Variants in BMF observed in about 807,000 individuals in gnomAD.
BMF encodes bcl-2-modifying factor.
BMF carries 10 observed loss-of-function variants against 22.0 expected under a neutral mutation model. The observed-to-expected ratio is 0.45, with a 90% CI of 0.28 to 0.77. The LOEUF (loss-of-function observed/expected upper bound fraction) is 0.77. Ranked by LOEUF, BMF falls within the 30% of genes least tolerant of loss-of-function variation. The pLI is 0.13. For missense variants in BMF, 206 were observed against 226.8 expected (o/e 0.91, Z 0.59); for synonymous variants, 87 against 88.1 (o/e 0.99, Z 0.07).
rs112914978 is a variant in BMF, at chr15:40,093,217, A to G, written c.454-1329T>C. ...CCCCTTCACGCTGCCCTAGGCCACA[A>G]AAAGAGAGGCATCCAGGCAGCTGGC... On this transcript the variant is annotated intron_variant, in intron 4 of 4. Transcript: ENST00000354670. 2.2e-3 allele frequency among the ~76,000 whole-genome samples: 329 copies of G among 152,318 alleles called. 1 individual carries two copies. The highest frequency in any genetic ancestry group is 7.7e-3 in the African/African-American group (322 of 41,560).
At chr15:40,092,665 G>A (rs537246202) in intron 4 of BMF, among the ~76,000 whole-genome samples, 1 of 152,308 alleles carries the variant, frequency 6.6e-6, no homozygotes, top group Admixed American at 6.5e-5. Flanking sequence ...ACTATGCTCT[G>A]GAGGTTATCC....
chr15:40,104,561 C>T (rs888696635), intron 3 of BMF, among the ~76,000 whole-genome samples: 5 of 152,196 alleles, frequency 3.3e-5, no homozygotes, highest in Admixed American at 6.5e-5. Context: ...GCCTTCTCTT[C>T]GCTTCTCCAT....
intron 2 of BMF, among the ~76,000 whole-genome samples, chr15:40,107,503 C>T (rs1400720857): frequency 6.6e-6 from 1 of 150,474 alleles, no homozygotes; most frequent in Admixed American, 6.6e-5. Flanking sequence ...GGCAAGCAGC[C>T]ACGTGGTGTT....
At chr15:40,104,095 G>C in intron 4 of BMF, 85 bp downstream of exon 4, 1 of 1,538,726 alleles carries the variant, frequency 6.5e-7, no homozygotes, top group Non-Finnish European at 8.9e-7. Flanking sequence ...GGCAGAGACA[G>C]AGTTGCTGAC....
chr15:40,096,843 G>T (rs2036372400), intron 4 of BMF, among the ~76,000 whole-genome samples: 1 of 152,192 alleles, frequency 6.6e-6, no homozygotes, highest in Admixed American at 6.5e-5. Context: ...TTCAGAGGCA[G>T]AGCTAACTGA....
At chr15:40,105,384 C>G (rs771044428) in intron 3 of BMF, among the ~76,000 whole-genome samples, 1 of 152,182 alleles carries the variant, frequency 6.6e-6, no homozygotes, top group Non-Finnish European at 1.5e-5. Flanking sequence ...AACTGGGGGC[C>G]ACCTTCTGCC....
chr15:40,092,010 G>A (rs776598708), intron 4 of BMF, 122 bp from the exon 5 acceptor site: 26 of 734,930 alleles, frequency 3.5e-5, no homozygotes, highest in Non-Finnish European at 5.6e-5. Context: ...AATCCTATCA[G>A]TACAGCTCAC....
In BMF at chr15:40,091,507, C is replaced by T. The variant is rs1313872342; in HGVS notation, c.*280G>A. ...CTGGTAGATTCCTCAGTCGAAGAAT[C>T]TACTTGTCAGAGCCCTTGGGAATTC... is the stretch of plus-strand genomic sequence containing the variant. On this transcript the variant is annotated 3_prime_UTR_variant, in exon 5 of 5. Coordinates refer to ENST00000354670, the MANE Select transcript of BMF (RefSeq NM_001003940.2). 5.9e-6 allele frequency: 2 copies of T among 341,504 alleles called. No individual in the cohort carries two copies. The highest frequency in any genetic ancestry group is 8.2e-4 in the Middle Eastern group (1 of 1,222). 21.2% of individuals were successfully genotyped at this position (341,504 alleles called of 1,614,324 possible). A position where few individuals can be genotyped will look rare whatever the true frequency, so the allele number is the denominator to read the frequency against.
chr15:40,106,024 C>T lies in BMF; in HGVS notation c.63G>A (p.Glu21=). Residue 21 remains glutamate (E), a synonymous_variant, in exon 3 of 5, where the codon GAG becomes GAA. Coordinates refer to ENST00000354670, the MANE Select transcript of BMF (RefSeq NM_001003940.2). This position sits in a 1 kb window ranked among gnomAD's most constrained non-coding sequence, Gnocchi z 4.1. Reference sequence around the variant, plus strand: ...GCAAGCTCCCGGGTTGGGTCACCGGCTCCCCATCCTCTGGTTGGAACACAT... The same window carrying T: ...GCAAGCTCCCGGGTTGGGTCACCGGTTCCCCATCCTCTGGTTGGAACACAT... The part of the protein sequence containing the change: ...EDDVFQPEDG[E]PVTQPGSLLS... 6.2e-7 allele frequency: 1 copy of T among 1,613,738 alleles called. No individual in the cohort carries two copies. The highest frequency in any genetic ancestry group is 8.5e-7 in the Non-Finnish European group (1 of 1,179,978).
intron 4 of BMF, among the ~76,000 whole-genome samples, chr15:40,102,976 G>T (rs1008768474): frequency 6.6e-5 from 10 of 152,146 alleles, no homozygotes; most frequent in Admixed American, 5.9e-4. Context: ...CCCAGACCTG[G>T]CCCCAAACTG....
At position 40,106,142 on chromosome 15, in the gene BMF, C is replaced by T; in HGVS notation, c.-5-51G>A. On this transcript the variant is annotated intron_variant, in intron 2 of 4. Coordinates refer to ENST00000354670, the MANE Select transcript of BMF (RefSeq NM_001003940.2). The surrounding 1 kb of genome is among the most constrained non-coding windows in gnomAD (Gnocchi z 4.1). ...GGGCTGCTGCCCCACCAGGGCCATA[C>T]CTGGAAGGACTCCCCTTCCCTTCTT... The T allele has an allele frequency of 2.0e-6, 3 of 1,519,938 alleles. No homozygotes were observed. The highest frequency in any genetic ancestry group is 2.6e-5 in the South Asian group (2 of 77,826). The allele number at this position is 1,519,938 out of a possible 1,614,324, so 94.2% of individuals were successfully genotyped here. A position where few individuals can be genotyped will look rare whatever the true frequency, so the allele number is the denominator to read the frequency against.
At chr15:40,097,191 GC>G (rs2036380867) in intron 4 of BMF, among the ~76,000 whole-genome samples, 1 of 150,330 alleles carries the variant, frequency 6.7e-6, no homozygotes, top group Non-Finnish European at 1.5e-5. Flanking sequence ...GAGCTACCAA[GC>G]ACCCAACTGA....
chr15:40,099,042 CT>C (rs2036422786), intron 4 of BMF, among the ~76,000 whole-genome samples: 1 of 152,264 alleles, frequency 6.6e-6, no homozygotes, highest in African/African-American at 2.4e-5. Context: ...CATTCTTCCC[CT>C]GGCACTGTCC....
In BMF at chr15:40,090,017, T is replaced by C. The variant is rs1348079715; in HGVS notation, c.*1770A>G. 2 of 152,684 alleles carry C rather than the reference T, an allele frequency of 1.3e-5. No homozygotes were observed. Among genetic ancestry groups the C allele is most frequent in the Admixed American group, 6.5e-5 (1 of 15,292 alleles). 9.5% of individuals were successfully genotyped at this position (152,684 alleles called of 1,614,324 possible). Reference sequence around the variant, plus strand: ...GAGCAGAACAAAACAAAGGCTTACATGCACAGTTTGAGGCCCTTCTCCTCC... The same window carrying C: ...GAGCAGAACAAAACAAAGGCTTACACGCACAGTTTGAGGCCCTTCTCCTCC... On this transcript the variant is annotated 3_prime_UTR_variant, in exon 5 of 5. Transcript: ENST00000354670.
chr15:40,101,858 T>C (rs980512241), intron 4 of BMF, among the ~76,000 whole-genome samples: 1 of 152,030 alleles, frequency 6.6e-6, no homozygotes, highest in African/African-American at 2.4e-5. Flanking sequence ...ACTGGAAAAT[T>C]TGGGAAAACC....
chr15:40,097,466 G>T (rs2036389614), intron 4 of BMF, among the ~76,000 whole-genome samples: 1 of 152,236 alleles, frequency 6.6e-6, no homozygotes, highest in Non-Finnish European at 1.5e-5. Flanking sequence ...GCGGGTTGGG[G>T]CAGCAAATGT....
intron 4 of BMF, among the ~76,000 whole-genome samples, chr15:40,093,124 G>C (rs551604417): frequency 8.5e-5 from 13 of 152,338 alleles, no homozygotes; most frequent in African/African-American, 3.1e-4. Context: ...GACTCCCAGA[G>C]CTTCCAGGTT....
chr15:40,100,875 A>G (rs968313336), intron 4 of BMF, among the ~76,000 whole-genome samples: 2 of 152,172 alleles, frequency 1.3e-5, no homozygotes, highest in Non-Finnish European at 2.9e-5. Context: ...CGAGTAACTC[A>G]GGTCTGTAAC....
chr15:40,100,226 T>A (rs1043826182), intron 4 of BMF, among the ~76,000 whole-genome samples: 12 of 152,188 alleles, frequency 7.9e-5, no homozygotes, highest in African/African-American at 2.9e-4. Context: ...TGCCCCTCCT[T>A]AGGCTCGTGC....
Sources: allele counts gnomAD v4.1 joint callset (sites outside exome capture counted in the v4.1 genomes callset), GRCh38; gene constraint gnomAD v4.1.1; non-coding constraint Gnocchi (gnomAD v3.1); transcripts MANE v1.5; gene names NCBI Gene and HGNC (gene_info 2026-07-23, HGNC 2026-07-21).